SEMA7A: variants seen among roughly 807,000 people sequenced by gnomAD.
The protein encoded by SEMA7A is semaphorin-7A.
SEMA7A carries 21 observed loss-of-function variants against 67.5 expected under a neutral mutation model. The observed-to-expected ratio is 0.31, with a 90% CI of 0.22 to 0.45. The LOEUF is 0.45. Among genes scored for constraint, SEMA7A ranks in the 20% least tolerant of loss-of-function variants. The pLI is 1.00. For synonymous variants in SEMA7A, 364 were observed against 368.5 expected, an observed-to-expected ratio of 0.99 and a Z score of 0.14; for missense variants, 774 against 908.6, an observed-to-expected ratio of 0.85 and a Z score of 1.90.
intron 1 of SEMA7A, among the ~76,000 whole-genome samples, chr15:74,422,676 G>A (rs761717489): frequency 3.9e-5 from 6 of 152,196 alleles, no homozygotes; most frequent in Non-Finnish European, 5.9e-5. Flanking sequence ...CCGCAGGGCC[G>A]GGTGCTCACA....
Position 74,411,038 on chromosome 15 carries a change from G to T in SEMA7A, c.1640-53C>A. ...GAGGAGGGACAAAGAGCTCCCAGGG[G>T]AGGATGTGTCCTCCCCACGGACTGG... On this transcript the variant is annotated intron_variant, in intron 13 of 13. Coordinates refer to ENST00000261918, the MANE Select transcript of SEMA7A (RefSeq NM_003612.5). The surrounding 1 kb of genome is among the most constrained non-coding windows in gnomAD (Gnocchi z 4.4). The T allele has an allele frequency of 6.4e-7, 1 of 1,571,150 alleles. No homozygotes were observed. Among genetic ancestry groups the T allele is most frequent in the Non-Finnish European group, 8.6e-7 (1 of 1,159,058 alleles).
chr15:74,415,016 C>T, intron 8 of SEMA7A, 70 bp from the exon 9 acceptor site: 1 of 1,304,834 alleles, frequency 7.7e-7, no homozygotes, highest in Non-Finnish European at 1.1e-6. Context: ...TCACCCAGGC[C>T]AGCCTTGTGC....
At chr15:74,432,235 A>G in intron 1 of SEMA7A, among the ~76,000 whole-genome samples, 1 of 152,174 alleles carries the variant, frequency 6.6e-6, no homozygotes, top group Non-Finnish European at 1.5e-5. Context: ...ATGATGTCCA[A>G]GACAGCCAAG....
intron 1 of SEMA7A, among the ~76,000 whole-genome samples, chr15:74,420,436 A>G (rs542681000): frequency 6.6e-6 from 1 of 152,332 alleles, no homozygotes; most frequent in East Asian, 1.9e-4. Flanking sequence ...ATGGCAGGCT[A>G]CAGAGAGAAG....
Position 74,433,808 on chromosome 15 carries a change from G to GAGCAGC in SEMA7A, c.105_110dup (p.Leu36_Leu37dup), listed in dbSNP as rs751344102. On this transcript the variant is annotated inframe_insertion, in exon 1 of 14. Coordinates refer to ENST00000261918, the MANE Select transcript of SEMA7A (RefSeq NM_003612.5). ...CCTGGGCGGAGGCGGCGGCCGCCCA[G>GAGCAGC]AGCAGCAGCAGCAGCCGCAGCCGCA... 7.8e-6 allele frequency: 11 copies of GAGCAGC among 1,402,442 alleles called. No homozygotes were observed. Among genetic ancestry groups the GAGCAGC allele is most frequent in the South Asian group, 1.5e-5 (1 of 65,310 alleles). The allele number at this position is 1,402,442 out of a possible 1,614,324, so 86.9% of individuals were successfully genotyped here.
At chr15:74,422,810 C>A (rs1425590691) in intron 1 of SEMA7A, among the ~76,000 whole-genome samples, 1 of 152,236 alleles carries the variant, frequency 6.6e-6, no homozygotes, top group Non-Finnish European at 1.5e-5. Flanking sequence ...CTAACTCAGG[C>A]CTGCCTGGTG....
intron 1 of SEMA7A, among the ~76,000 whole-genome samples, chr15:74,420,606 G>A (rs28362900): frequency 0.15 from 23,126 of 152,148 alleles, 4,718 homozygotes; most frequent in African/African-American, 0.47. Context: ...CTGGCACTTC[G>A]GTGGGAGGGA....
Position 74,433,795 on chromosome 15 carries a change from C to T in SEMA7A, c.124G>A (p.Ala42Thr), listed in dbSNP as rs1414086986. Residue 42 changes from alanine (A) to threonine (T), a missense_variant, in exon 1 of 14, where the codon GCC becomes ACC. By Grantham distance (58) the Ala-to-Thr change is moderately conservative. Coordinates refer to ENST00000261918, the MANE Select transcript of SEMA7A (RefSeq NM_003612.5). ...CTCCTTAGGTGGCCCTGGGCGGAGG[C>T]GGCGGCCGCCCAGAGCAGCAGCAGC... ...RLLLLLWAAA[A>T]SAQGHLRSGP... 1.2e-5 allele frequency: 17 copies of T among 1,429,768 alleles called. No individual in the cohort carries two copies. Among genetic ancestry groups the T allele is most frequent in the Non-Finnish European group, 1.5e-5 (16 of 1,095,210 alleles). 88.6% of individuals were successfully genotyped at this position (1,429,768 alleles called of 1,614,324 possible).
chr15:74,418,975 A>C (rs1567074783), intron 1 of SEMA7A, 23 bp from the exon 2 acceptor site: 1 of 1,609,380 alleles, frequency 6.2e-7, no homozygotes, highest in East Asian at 2.2e-5. Flanking sequence ...CAATTAGTAG[A>C]AACATTGAAG....
intron 6 of SEMA7A, 152 bp downstream of exon 6, chr15:74,417,183 C>T (rs1387288599): frequency 1.5e-6 from 1 of 661,204 alleles, no homozygotes; most frequent in Non-Finnish European, 2.7e-6. Flanking sequence ...TCCCAGCCAA[C>T]CCTAACTTCT....
chr15:74,428,953 CCTG>C (rs2061064643), intron 1 of SEMA7A, among the ~76,000 whole-genome samples: 2 of 152,330 alleles, frequency 1.3e-5, no homozygotes, highest in South Asian at 4.1e-4. Context: ...CCTCCATCCC[CCTG>C]CTTTCTTTCT....
Position 74,417,998 on chromosome 15 carries a change from G to A in SEMA7A, c.373-29C>T, listed in dbSNP as rs760954617. 6.2e-6 allele frequency: 10 copies of A among 1,608,828 alleles called. No homozygotes were observed. In the South Asian group the frequency reaches 1.1e-4, roughly 18 times the overall value. The stretch of plus-strand genomic sequence containing the variant: ...CCCGGGGAAGAGAGAAGGGAGGAGA[G>A]AAATTGGTTGCTGGAAGGCCCTGGC... On this transcript the variant is annotated intron_variant, in intron 3 of 13. Transcript: ENST00000261918.
chr15:74,433,822 G>T lies in SEMA7A; in HGVS notation c.97C>A (p.Leu33Met). 1 of 1,363,588 alleles carries T rather than the reference G, an allele frequency of 7.3e-7. No individual in the cohort carries two copies. Among genetic ancestry groups the T allele is most frequent in the Non-Finnish European group, 9.4e-7 (1 of 1,062,896 alleles). The allele number at this position is 1,363,588 out of a possible 1,614,324, so 84.5% of individuals were successfully genotyped here. The change falls in exon 1 of 14, where the codon CTG becomes ATG. Residue 33 changes from leucine to methionine, a missense_variant. Transcript: ENST00000261918. The stretch of plus-strand genomic sequence containing the variant: ...GCGGCCGCCCAGAGCAGCAGCAGCA[G>T]CCGCAGCCGCAGCGGAAGCCCCAAC... ...ARLGLPLRLR[L>M]LLLLWAAAAS...
At chr15:74,415,024 T>C (rs1276678989) in intron 8 of SEMA7A, 78 bp from the exon 9 acceptor site, 1 of 1,193,920 alleles carries the variant, frequency 8.4e-7, no homozygotes, top group African/African-American at 1.5e-5. Context: ...GCCAGCCTTG[T>C]GCCTGGCACT....
chr15:74,418,965 C>T lies in SEMA7A; in HGVS notation c.179-13G>A, dbSNP rs1163373467. 5.0e-6 allele frequency: 8 copies of T among 1,610,998 alleles called. No individual in the cohort carries two copies. Among genetic ancestry groups the T allele is most frequent in the African/African-American group, 1.3e-5 (1 of 74,978 alleles). ...TGCCCTACATGGCCTGAGGAGGAGA[C>T]AATTAGTAGAAACATTGAAGCCAGG... On this transcript the variant is annotated splice_polypyrimidine_tract_variant and intron_variant, in intron 1 of 13. Coordinates refer to ENST00000261918, the MANE Select transcript of SEMA7A (RefSeq NM_003612.5).
At chr15:74,427,887 A>G (rs2061056106) in intron 1 of SEMA7A, among the ~76,000 whole-genome samples, 1 of 152,198 alleles carries the variant, frequency 6.6e-6, no homozygotes, top group South Asian at 2.1e-4. Context: ...GGGCAAACCC[A>G]GGGCTTCTCT....
chr15:74,415,376 C>T (rs1204238554), intron 8 of SEMA7A, among the ~76,000 whole-genome samples: 1 of 152,088 alleles, frequency 6.6e-6, no homozygotes, highest in Non-Finnish European at 1.5e-5. Context: ...CACACACACC[C>T]AACACTTCCG....
At chr15:74,416,490 A>G in intron 7 of SEMA7A, 85 bp downstream of exon 7, 1 of 1,439,366 alleles carries the variant, frequency 6.9e-7, no homozygotes, top group East Asian at 2.3e-5. Flanking sequence ...CAACTTCTAC[A>G]TGCACACGGA....
At position 74,423,159 on chromosome 15, in the gene SEMA7A, G is replaced by A. The variant is rs897902557; in HGVS notation, c.179-4207C>T. ...CGGGCCAAAGAGCAGAAAGCAGGCC[G>A]ACCTCAGGTTGGAGAGCCAGCACAT... On this transcript the variant is annotated intron_variant, in intron 1 of 13. Transcript: ENST00000261918. The surrounding 1 kb of genome is among the most constrained non-coding windows in gnomAD (Gnocchi z 4.1). Among the ~76,000 whole-genome samples the A allele has an allele frequency of 1.3e-5, 2 of 152,248 alleles. No individual in the cohort carries two copies. The highest frequency in any genetic ancestry group is 1.9e-4 in the East Asian group (1 of 5,202).
Sources: gnomAD v4.1 joint callset for allele counts (sites outside exome capture counted in the v4.1 genomes callset) on GRCh38, gnomAD v4.1.1 for gene constraint, Gnocchi (gnomAD v3.1) non-coding constraint, MANE v1.5 for transcripts, NCBI Gene and HGNC (gene_info 2026-07-23, HGNC 2026-07-21) for gene names.